The following KATNAL2 variants were observed in gnomAD, a reference collection of about 807,000 sequenced individuals.
KATNAL2 encodes katanin p60 ATPase-containing subunit A-like 2.
In KATNAL2, 52 loss-of-function variants were observed where a neutral mutation model predicts 76.3. That is an observed-to-expected ratio of 0.68 (90% CI 0.55 to 0.86). The LOEUF (loss-of-function observed/expected upper bound fraction) is 0.86, where lower values mean the gene tolerates loss of function less well. KATNAL2 is among the 40% of genes least tolerant of loss of function. The pLI, the probability that KATNAL2 is intolerant of heterozygous loss-of-function variation, is 0.00. For missense variants in KATNAL2, 660 were observed against 668.9 expected, an observed-to-expected ratio of 0.99 and a Z score of 0.15; for synonymous variants, 243 against 244.2, an observed-to-expected ratio of 1.00 and a Z score of 0.05.
intron 3 of KATNAL2, among the ~76,000 whole-genome samples, chr18:47,039,928 G>A (rs1234278069): frequency 6.6e-6 from 1 of 152,172 alleles, no homozygotes; most frequent in Non-Finnish European, 1.5e-5. Flanking sequence ...GAGGGATATG[G>A]ACATTGTTAG....
At position 47,099,320 on chromosome 18, in the gene KATNAL2, C is replaced by A. The variant is rs199654554; in HGVS notation, c.1289C>A (p.Ala430Asp). ...CTCCCCAGCCGGGAGGCCAGGCAGG[C>A]CATGATCTACCACTGGCTGCCTCCT... ...VDLPSREARQAMIYHWLPPVS... is the reference protein window; with the variant it reads ...VDLPSREARQDMIYHWLPPVS... Residue 430 changes from alanine to aspartate, a missense_variant, in exon 16 of 18, where the codon GCC becomes GAC. Coordinates refer to ENST00000683218, the MANE Select transcript of KATNAL2 (RefSeq NM_001387690.1). 6.8e-6 allele frequency: 11 copies of A among 1,614,146 alleles called. No homozygotes were observed. In the Admixed American group the frequency reaches 1.2e-4, roughly 17 times the overall value.
At chr18:47,071,517 A>G (rs62095429) in intron 13 of KATNAL2, among the ~76,000 whole-genome samples, 6 of 151,866 alleles carry the variant, frequency 4.0e-5, no homozygotes, top group Non-Finnish European at 8.8e-5. Flanking sequence ...TTTTTTTTAA[A>G]TATCATTTCT....
intron 3 of KATNAL2, among the ~76,000 whole-genome samples, chr18:46,947,582 G>C (rs919039874): frequency 2.0e-5 from 3 of 151,998 alleles, no homozygotes; most frequent in Non-Finnish European, 4.4e-5. Flanking sequence ...CAACGTGGGG[G>C]CGGGGGGAAG....
intron 15 of KATNAL2, among the ~76,000 whole-genome samples, chr18:47,086,833 T>C (rs2062797234): frequency 6.6e-6 from 1 of 152,228 alleles, no homozygotes; most frequent in African/African-American, 2.4e-5. Flanking sequence ...AGCAGGAGGT[T>C]ACTAAGCAGT....
At chr18:47,100,180 G>A in intron 16 of KATNAL2, 74 bp from the exon 17 acceptor site, 1 of 986,662 alleles carries the variant, frequency 1.0e-6, no homozygotes, top group South Asian at 1.3e-5. Flanking sequence ...CTGATACTGG[G>A]TCCTGCCTAT....
At chr18:46,965,585 C>CCCCCG (rs2060099789) in intron 3 of KATNAL2, among the ~76,000 whole-genome samples, 1 of 91,084 alleles carries the variant, frequency 1.1e-5, no homozygotes, top group African/African-American at 4.7e-5. Flanking sequence ...ATCCCCGCCC[C>CCCCCG]CCCCCCCCCG....
chr18:46,922,943 T>C (rs1260893456), intron 1 of KATNAL2, among the ~76,000 whole-genome samples: 1 of 148,162 alleles, frequency 6.7e-6, no homozygotes, highest in African/African-American at 2.4e-5. Context: ...ATATTGTATA[T>C]ATAATATAGT....
chr18:47,051,175 A>T (rs1421313936), intron 4 of KATNAL2, among the ~76,000 whole-genome samples: 1 of 152,102 alleles, frequency 6.6e-6, no homozygotes, highest in Non-Finnish European at 1.5e-5. Context: ...TGCCAACCAC[A>T]TCGAATTCAA....
intron 3 of KATNAL2, among the ~76,000 whole-genome samples, chr18:46,947,191 A>C (rs1190764103): frequency 1.3e-5 from 2 of 152,172 alleles, no homozygotes; most frequent in Non-Finnish European, 2.9e-5. Flanking sequence ...GATTGAGGAA[A>C]TGAGGTATTG....
chr18:46,946,384 G>C lies in KATNAL2; in HGVS notation c.-182G>C. The C allele has an allele frequency of 9.6e-7, 1 of 1,038,428 alleles. No individual in the cohort carries two copies. Among genetic ancestry groups the C allele is most frequent in the Middle Eastern group, 2.7e-4 (1 of 3,712 alleles). The allele number at this position is 1,038,428 out of a possible 1,614,324, so 64.3% of individuals were successfully genotyped here. A position where few individuals can be genotyped will look rare whatever the true frequency, so the allele number is the denominator to read the frequency against. On this transcript the variant is annotated 5_prime_UTR_variant, in exon 2 of 18. Coordinates refer to ENST00000683218, the MANE Select transcript of KATNAL2 (RefSeq NM_001387690.1). ...GTCCACAGCAGATTCGTCCAGTCTA[G>C]ATAGACCATGCACAGAGAATTTCAA... is the stretch of plus-strand genomic sequence containing the variant.
At position 46,917,669 on chromosome 18, in the gene KATNAL2, G is replaced by A; in HGVS notation, c.-767G>A. On this transcript the variant is annotated 5_prime_UTR_variant, in exon 1 of 18. Coordinates refer to ENST00000683218, the MANE Select transcript of KATNAL2 (RefSeq NM_001387690.1). The stretch of plus-strand genomic sequence containing the variant: ...GCTGCCCCGCGGCTTGGCCCCGCTC[G>A]GCCCCAGGTCGTGCCTTCCCTCCCC... 1.6e-6 allele frequency: 1 copy of A among 611,438 alleles called. No homozygotes were observed. Among genetic ancestry groups the A allele is most frequent in the Non-Finnish European group, 2.1e-6 (1 of 486,302 alleles). The allele number at this position is 611,438 out of a possible 1,614,324, so 37.9% of individuals were successfully genotyped here. A position where few individuals can be genotyped will look rare whatever the true frequency, so the allele number is the denominator to read the frequency against.
At chr18:47,033,495 G>A (rs1382014304) in intron 3 of KATNAL2, 1 of 1,614,146 alleles carries the variant, frequency 6.2e-7, no homozygotes, top group Non-Finnish European at 8.5e-7. Flanking sequence ...TGAAGTCCTG[G>A]AAACAATGAT....
chr18:47,068,608 C>T (rs915120271), intron 11 of KATNAL2, among the ~76,000 whole-genome samples: 8 of 152,118 alleles, frequency 5.3e-5, no homozygotes, highest in Non-Finnish European at 8.8e-5. Flanking sequence ...ACTAATATTC[C>T]TTGCCACACC....
chr18:47,058,016 G>A (rs375969578), intron 6 of KATNAL2, among the ~76,000 whole-genome samples: 3 of 152,164 alleles, frequency 2.0e-5, no homozygotes, highest in African/African-American at 7.2e-5. Context: ...TGGGGGGCTC[G>A]AGGAGGCAAT....
At chr18:47,037,457 T>C (rs943228763) in intron 3 of KATNAL2, among the ~76,000 whole-genome samples, 1 of 152,240 alleles carries the variant, frequency 6.6e-6, no homozygotes, top group Admixed American at 6.5e-5. Flanking sequence ...TTAATGAGCA[T>C]GTAATTGTGT....
In KATNAL2 at chr18:47,059,496, A is replaced by G. The variant is rs573284445; in HGVS notation, c.451-60A>G. 3.5e-5 allele frequency: 40 copies of G among 1,140,466 alleles called. No homozygotes were observed. The South Asian group carries it at 4.9e-4, about 14-fold the overall frequency. The allele number at this position is 1,140,466 out of a possible 1,614,324, so 70.6% of individuals were successfully genotyped here. ...ACTTTGCTTGATGGAGTAGGCAGGT[A>G]CATCCAGCAACTCTCCATGGCTGCT... On this transcript the variant is annotated intron_variant, in intron 7 of 17. Transcript: ENST00000683218.
intron 15 of KATNAL2, among the ~76,000 whole-genome samples, chr18:47,096,229 T>TA (rs1205368223): frequency 2.6e-5 from 4 of 152,076 alleles, no homozygotes; most frequent in Admixed American, 2.6e-4. Context: ...TATTGTAACA[T>TA]AGATTCAGAA....
At chr18:46,921,303 C>T (rs138126106) in intron 1 of KATNAL2, among the ~76,000 whole-genome samples, 1,678 of 152,066 alleles carry the variant, frequency 0.011, 16 homozygotes, top group Non-Finnish European at 0.017. Flanking sequence ...AATTTTTGTA[C>T]TTTTAGTAGA....
At chr18:47,060,143 T>C (rs2061589254) in intron 8 of KATNAL2, among the ~76,000 whole-genome samples, 1 of 152,094 alleles carries the variant, frequency 6.6e-6, no homozygotes, top group Non-Finnish European at 1.5e-5. Context: ...ACTACAGGCA[T>C]GCACCACAAC....
Sources: allele counts gnomAD v4.1 joint callset (sites outside exome capture counted in the v4.1 genomes callset), GRCh38; gene constraint gnomAD v4.1.1; transcripts MANE v1.5; gene names NCBI Gene and HGNC (gene_info 2026-07-23, HGNC 2026-07-21).